The following AKAP8 variants were observed in gnomAD, a reference collection of about 807,000 sequenced individuals.
AKAP8 encodes A-kinase anchoring protein 8.
Under a neutral mutation model 67.5 loss-of-function variants are expected in AKAP8, and 24 were observed. The observed-to-expected ratio is 0.36, with a 90% CI of 0.26 to 0.50. The LOEUF is 0.50. AKAP8 is among the 20% of genes least tolerant of loss of function. The pLI is 0.97. For missense variants in AKAP8, 971 were observed against 955.9 expected (o/e 1.02, Z -0.21); for synonymous variants, 400 against 371.1 (o/e 1.08, Z -0.90).
intron 9 of AKAP8, among the ~76,000 whole-genome samples, chr19:15,366,101 A>ATTTT (rs772547504): frequency 3.0e-5 from 4 of 132,234 alleles, no homozygotes; most frequent in Admixed American, 7.7e-5. Context: ...TTTTTTTTTA[A>ATTTT]AAAAAGTCAC....
At chr19:15,374,296 G>A (rs1414665776) in intron 3 of AKAP8, among the ~76,000 whole-genome samples, 5 of 152,212 alleles carry the variant, frequency 3.3e-5, no homozygotes, top group Non-Finnish European at 7.4e-5. Context: ...CAGACGCTAG[G>A]ACCTGTTCCC....
intron 8 of AKAP8, 107 bp from the exon 9 acceptor site, chr19:15,368,429 C>T: frequency 6.3e-7 from 1 of 1,587,234 alleles, no homozygotes; most frequent in Non-Finnish European, 8.5e-7. Context: ...CTGTGCCCTG[C>T]CACTGCCTGC....
chr19:15,375,314 C>T (rs1451597739), intron 2 of AKAP8, among the ~76,000 whole-genome samples: 1 of 152,216 alleles, frequency 6.6e-6, no homozygotes, highest in African/African-American at 2.4e-5. Context: ...TCCAGCCACA[C>T]CCAGCCCACT....
intron 1 of AKAP8, among the ~76,000 whole-genome samples, chr19:15,378,713 C>G (rs1967304725): frequency 6.6e-6 from 1 of 152,186 alleles, no homozygotes; most frequent in Non-Finnish European, 1.5e-5. Flanking sequence ...GCTCCTGCAG[C>G]CAGGATCAGA....
At chr19:15,368,669 A>G (rs1967107452) in intron 8 of AKAP8, 5 of 985,120 alleles carry the variant, frequency 5.1e-6, no homozygotes, top group South Asian at 4.7e-5. Context: ...TCTTCTCCCA[A>G]TATCACAGGA....
At chr19:15,367,227 G>C (rs1205529904) in intron 9 of AKAP8, among the ~76,000 whole-genome samples, 1 of 152,114 alleles carries the variant, frequency 6.6e-6, no homozygotes, top group Non-Finnish European at 1.5e-5. Context: ...GCATTTCTTT[G>C]AACACGACAA....
At chr19:15,371,166 G>A (rs1434862888) in intron 7 of AKAP8, among the ~76,000 whole-genome samples, 1 of 152,132 alleles carries the variant, frequency 6.6e-6, no homozygotes, top group Non-Finnish European at 1.5e-5. Flanking sequence ...ACTTGGGGAA[G>A]GCCCTCCTTC....
intron 11 of AKAP8, 74 bp from the exon 12 acceptor site, chr19:15,361,052 A>C (rs1966956801): frequency 6.5e-7 from 1 of 1,544,078 alleles, no homozygotes; most frequent in East Asian, 2.3e-5. Flanking sequence ...ATCTGGGCCC[A>C]CGTTTTCTCC....
Position 15,373,834 on chromosome 19 carries a change from C to A in AKAP8, c.323G>T (p.Gly108Val), listed in dbSNP as rs537386173. ...QRLDMMSKEG[G>V]RGGSGGGGEG... is the part of the protein sequence containing the mutation. ...CCCACCGCCGCCGCTCCCGCCCCTG[C>A]CTCCTTCCTTGGACATCATGTCCAA... Residue 108 changes from glycine to valine, a missense_variant, in exon 4 of 14, where the codon GGC (glycine) becomes GTC (valine). Transcript: ENST00000269701. 3 of 1,612,262 alleles carry A rather than the reference C, an allele frequency of 1.9e-6. No individual in the cohort carries two copies. The highest frequency in any genetic ancestry group is 1.7e-6 in the Non-Finnish European group (2 of 1,179,920).
chr19:15,366,984 T>A (rs1231308648), intron 9 of AKAP8, among the ~76,000 whole-genome samples: 3 of 152,036 alleles, frequency 2.0e-5, no homozygotes, highest in Non-Finnish European at 4.4e-5. Context: ...CTTGGCTCAC[T>A]ACAAAGTCCA....
intron 13 of AKAP8, among the ~76,000 whole-genome samples, chr19:15,356,817 G>A (rs563799844): frequency 3.3e-5 from 5 of 152,096 alleles, no homozygotes. Context: ...GGGCAACAGA[G>A]CAAGACTGTC....
chr19:15,358,747 G>GATTA (rs1363005736), intron 13 of AKAP8, among the ~76,000 whole-genome samples: 1 of 152,096 alleles, frequency 6.6e-6, no homozygotes, highest in Admixed American at 6.6e-5. Context: ...ATTACGCACT[G>GATTA]ATTAATCAAG....
At chr19:15,359,190 C>T in intron 12 of AKAP8, 128 bp from the exon 13 acceptor site, 1 of 796,396 alleles carries the variant, frequency 1.3e-6, no homozygotes, top group Non-Finnish European at 2.0e-6. Flanking sequence ...AAACGCCAGC[C>T]TCCAAGAATA....
At chr19:15,368,831 C>T in intron 8 of AKAP8, 1 of 985,268 alleles carries the variant, frequency 1.0e-6, no homozygotes, top group Non-Finnish European at 1.2e-6. Context: ...TCTGACAGTC[C>T]TTGCTGGCCC....
At chr19:15,361,267 G>GATTT (rs1966960623) in intron 11 of AKAP8, among the ~76,000 whole-genome samples, 2 of 45,692 alleles carry the variant, frequency 4.4e-5, no homozygotes, top group African/African-American at 3.3e-4. Context: ...CACATCCGAA[G>GATTT]GTTTCTTTCC....
intron 2 of AKAP8, among the ~76,000 whole-genome samples, chr19:15,376,578 G>C (rs191786371): frequency 1.3e-3 from 192 of 152,266 alleles, no homozygotes; most frequent in African/African-American, 4.5e-3. Context: ...GTGGGCGTAT[G>C]AAACTCCACT....
intron 3 of AKAP8, 111 bp from the exon 4 acceptor site, chr19:15,374,176 G>C: frequency 7.8e-7 from 1 of 1,279,832 alleles, no homozygotes. Context: ...ACGGGTGTGG[G>C]ACCCAGTGCT....
At chr19:15,366,586 C>A (rs1271099881) in intron 9 of AKAP8, among the ~76,000 whole-genome samples, 1 of 151,228 alleles carries the variant, frequency 6.6e-6, no homozygotes, top group Non-Finnish European at 1.5e-5. Flanking sequence ...CGCTGGAGTG[C>A]AGTAGCACAA....
chr19:15,370,257 C>G, intron 7 of AKAP8, 78 bp from the exon 8 acceptor site: 1 of 1,553,714 alleles, frequency 6.4e-7, no homozygotes, highest in Non-Finnish European at 8.9e-7. Context: ...TCCCTGGCCA[C>G]TGCCTGGTGG....
Sources: gnomAD v4.1 joint callset for allele counts (sites outside exome capture counted in the v4.1 genomes callset) on GRCh38, gnomAD v4.1.1 for gene constraint, MANE v1.5 for transcripts, NCBI Gene and HGNC (gene_info 2026-07-23, HGNC 2026-07-21) for gene names.